The following CAMTA1 variants were observed in gnomAD, a reference collection of about 807,000 sequenced individuals.
CAMTA1 encodes calmodulin-binding transcription activator 1.
CAMTA1 carries 27 observed loss-of-function variants against 170.9 expected under a neutral mutation model. The ratio of observed to expected loss-of-function variants is 0.16; its 90% CI spans 0.12 to 0.22. The LOEUF (loss-of-function observed/expected upper bound fraction) is 0.22. CAMTA1 is among the 10% of genes least tolerant of loss of function. The pLI is 1.00. For synonymous variants in CAMTA1, 833 were observed against 891.5 expected, an observed-to-expected ratio of 0.93 and a Z score of 1.17; for missense variants, 1,619 against 2,217.2, an observed-to-expected ratio of 0.73 and a Z score of 5.42.
chr1:7,098,476 C>T lies in CAMTA1; in HGVS notation c.302+7105C>T, dbSNP rs112345660. On this transcript the variant is annotated intron_variant, in intron 4 of 22. Transcript: ENST00000303635. ...CAGAGTTCCCAGGGAGCCTCCTGCCCGAGGACTTCCTCGCAGGGTACCTGT... is the reference window on the plus strand; with the variant it reads ...CAGAGTTCCCAGGGAGCCTCCTGCCTGAGGACTTCCTCGCAGGGTACCTGT... 4.0e-3 allele frequency among the ~76,000 whole-genome samples: 614 copies of T among 152,308 alleles called. 5 individuals are homozygous for T. The highest frequency in any genetic ancestry group is 0.013 in the African/African-American group (555 of 41,552).
intron 3 of CAMTA1, among the ~76,000 whole-genome samples, chr1:7,060,709 GC>G (rs1355441429): frequency 5.3e-5 from 8 of 151,988 alleles, no homozygotes; most frequent in African/African-American, 1.5e-4. Context: ...TTGACTTTTT[GC>G]CCCACCTGGA....
intron 6 of CAMTA1, among the ~76,000 whole-genome samples, chr1:7,597,140 C>T (rs1010945707): frequency 6.6e-6 from 1 of 152,210 alleles, no homozygotes; most frequent in African/African-American, 2.4e-5. Flanking sequence ...GACACGAGCC[C>T]ACTGAGTAGG....
chr1:7,480,253 A>G (rs986027698), intron 6 of CAMTA1, among the ~76,000 whole-genome samples: 3 of 69,232 alleles, frequency 4.3e-5, no homozygotes, highest in African/African-American at 2.5e-4. Context: ...GTGTGTGTGC[A>G]TGTGTGTATG....
At chr1:7,598,958 T>C (rs2095420862) in intron 6 of CAMTA1, among the ~76,000 whole-genome samples, 1 of 152,226 alleles carries the variant, frequency 6.6e-6, no homozygotes, top group Non-Finnish European at 1.5e-5. Context: ...ATCCCATTTG[T>C]CAATTTTGGC....
At chr1:6,824,469 A>G (rs1275701538) in intron 2 of CAMTA1, among the ~76,000 whole-genome samples, 2 of 152,214 alleles carry the variant, frequency 1.3e-5, no homozygotes, top group Admixed American at 1.3e-4. Flanking sequence ...GATGAAATAC[A>G]TTAATTATGT....
At position 7,592,034 on chromosome 1, in the gene CAMTA1, G is replaced by T. The variant is rs1160274904; in HGVS notation, c.511-48366G>T. Reference sequence around the variant, plus strand: ...CTGCCTCAGCCTCCTAAGTAGCTGGGATTACAGGTGCATGCCACCATACCT... The same window carrying T: ...CTGCCTCAGCCTCCTAAGTAGCTGGTATTACAGGTGCATGCCACCATACCT... On this transcript the variant is annotated intron_variant, in intron 6 of 22. Transcript: ENST00000303635. The surrounding 1 kb of genome is among the most constrained non-coding windows in gnomAD (Gnocchi z 4.6). Among the ~76,000 whole-genome samples, 2 of 152,148 alleles carry T rather than the reference G, an allele frequency of 1.3e-5. No individual in the cohort carries two copies. Among genetic ancestry groups the T allele is most frequent in the African/African-American group, 4.8e-5 (2 of 41,422 alleles).
At chr1:7,582,233 A>G (rs977733509) in intron 6 of CAMTA1, among the ~76,000 whole-genome samples, 3 of 152,192 alleles carry the variant, frequency 2.0e-5, no homozygotes, top group Non-Finnish European at 4.4e-5. Context: ...GCGGTTGCTC[A>G]GAGAAAGGAG....
intron 2 of CAMTA1, 100 bp from the exon 3 acceptor site, chr1:6,824,992 A>G (rs1450130809): frequency 1.6e-6 from 1 of 638,124 alleles, no homozygotes; most frequent in East Asian, 2.8e-5. Context: ...TCTTGGTCTC[A>G]CATTGACTAA....
At chr1:7,622,232 T>G (rs1426988558) in intron 6 of CAMTA1, among the ~76,000 whole-genome samples, 1 of 152,192 alleles carries the variant, frequency 6.6e-6, no homozygotes, top group Non-Finnish European at 1.5e-5. Flanking sequence ...TTTGATATCC[T>G]CAGGTAGATG....
At chr1:7,413,257 A>G (rs554390627) in intron 5 of CAMTA1, among the ~76,000 whole-genome samples, 132 of 152,280 alleles carry the variant, frequency 8.7e-4, no homozygotes, top group African/African-American at 3.1e-3. Context: ...TTGGTTCCAT[A>G]TGAACTTTAA....
At chr1:7,267,073 C>G (rs1669050819) in intron 5 of CAMTA1, among the ~76,000 whole-genome samples, 1 of 152,152 alleles carries the variant, frequency 6.6e-6, no homozygotes, top group Non-Finnish European at 1.5e-5. Flanking sequence ...CCCTTAGACC[C>G]TCTGGCTGTT....
At chr1:7,711,778 G>A (rs1007082893) in intron 11 of CAMTA1, among the ~76,000 whole-genome samples, 4 of 152,174 alleles carry the variant, frequency 2.6e-5, no homozygotes, top group African/African-American at 4.8e-5. Flanking sequence ...CCCCTGGCGC[G>A]CGTGTGTAAG....
At position 7,593,439 on chromosome 1, in the gene CAMTA1, C is replaced by T. The variant is rs552120946; in HGVS notation, c.511-46961C>T. Among the ~76,000 whole-genome samples, 6 of 150,512 alleles carry T rather than the reference C, an allele frequency of 4.0e-5. No homozygotes were observed. In the South Asian group the frequency reaches 1.1e-3, roughly 27 times the overall value. On this transcript the variant is annotated intron_variant, in intron 6 of 22. Coordinates refer to ENST00000303635, the MANE Select transcript of CAMTA1 (RefSeq NM_015215.4). ...CCTGTGGGCTTTCCTGATCAAGGGT[C>T]GAGGAAGGACTCTGGCCAGGTGAGG...
chr1:7,488,098 A>G (rs2093641319), intron 6 of CAMTA1, among the ~76,000 whole-genome samples: 1 of 152,128 alleles, frequency 6.6e-6, no homozygotes, highest in Non-Finnish European at 1.5e-5. Flanking sequence ...GGGTCTCTCT[A>G]GAACCTCTCT....
intron 8 of CAMTA1, among the ~76,000 whole-genome samples, chr1:7,662,171 G>A (rs1265621183): frequency 2.0e-5 from 3 of 152,192 alleles, no homozygotes; most frequent in East Asian, 1.9e-4. Flanking sequence ...TCTGGGGCTC[G>A]GGGCCTCTCT....
At chr1:7,490,197 G>A (rs549497741) in intron 6 of CAMTA1, among the ~76,000 whole-genome samples, 1 of 152,372 alleles carries the variant, frequency 6.6e-6, no homozygotes, top group Admixed American at 6.5e-5. Flanking sequence ...CTGGTGCTGA[G>A]CTTCCCTTGC....
intron 10 of CAMTA1, among the ~76,000 whole-genome samples, chr1:7,676,732 G>A (rs6577452): frequency 0.45 from 68,864 of 152,042 alleles, 15,728 homozygotes; most frequent in Admixed American, 0.47. Flanking sequence ...GAGGCCTGGC[G>A]GGGCAGTGTG....
intron 6 of CAMTA1, among the ~76,000 whole-genome samples, chr1:7,575,242 A>G (rs1198324767): frequency 6.6e-6 from 1 of 152,206 alleles, no homozygotes; most frequent in Non-Finnish European, 1.5e-5. Flanking sequence ...GTCAAGCCCA[A>G]GGGACTCAGT....
intron 4 of CAMTA1, among the ~76,000 whole-genome samples, chr1:7,106,620 G>A (rs183038652): frequency 5.3e-5 from 8 of 152,164 alleles, no homozygotes; most frequent in Non-Finnish European, 8.8e-5. Context: ...AACCGCCCCC[G>A]AGTAGTGGAG....
Sources: gnomAD v4.1 joint callset for allele counts (sites outside exome capture counted in the v4.1 genomes callset) on GRCh38, gnomAD v4.1.1 for gene constraint, Gnocchi (gnomAD v3.1) non-coding constraint, MANE v1.5 for transcripts, NCBI Gene and HGNC (gene_info 2026-07-23, HGNC 2026-07-21) for gene names.